PRPSAP2: variants seen among roughly 807,000 people sequenced by gnomAD.
PRPSAP2 encodes the protein phosphoribosyl pyrophosphate synthase-associated protein 2.
In PRPSAP2, 24 loss-of-function variants were observed where a neutral mutation model predicts 40.6. That is an observed-to-expected ratio of 0.59 (90% confidence interval 0.43 to 0.83). The LOEUF is 0.83. Ranked by LOEUF, PRPSAP2 falls within the 40% of genes least tolerant of loss-of-function variation. PRPSAP2 has a pLI of 0.00. For missense variants in PRPSAP2, 292 were observed against 465.6 expected (o/e 0.63, Z 3.43); for synonymous variants, 149 against 164.7 (o/e 0.90, Z 0.73).
chr17:18,889,697 A>G lies in PRPSAP2; in HGVS notation c.529-125A>G, dbSNP rs562563189. 3.8e-5 allele frequency: 25 copies of G among 652,358 alleles called. No individual in the cohort carries two copies. The African/African-American group carries it at 4.1e-4, about 11-fold the overall frequency. The allele number at this position is 652,358 out of a possible 1,614,324, so 40.4% of individuals were successfully genotyped here. ...GCAGGTTCCTTTCTTCATTTTCCAA[A>G]GGAGAATTTTACTTTGAACTTTTTC... On this transcript the variant is annotated intron_variant, in intron 7 of 11. Coordinates refer to ENST00000268835, the MANE Select transcript of PRPSAP2 (RefSeq NM_002767.4).
intron 7 of PRPSAP2, among the ~76,000 whole-genome samples, chr17:18,883,219 A>G (rs2038888182): frequency 1.3e-5 from 2 of 151,946 alleles, no homozygotes; most frequent in Non-Finnish European, 2.9e-5. Context: ...TTTTTCCTTC[A>G]TTCTGTTAAT....
chr17:18,891,310 T>C (rs2039531971), intron 8 of PRPSAP2, among the ~76,000 whole-genome samples: 2 of 152,188 alleles, frequency 1.3e-5, no homozygotes, highest in South Asian at 2.1e-4. Context: ...ACTTAGTATA[T>C]TAAATAAAAT....
At chr17:18,914,248 G>GTTTTTTTTTTTT (rs1567738744) in intron 9 of PRPSAP2, among the ~76,000 whole-genome samples, 1 of 76,480 alleles carries the variant, frequency 1.3e-5, no homozygotes, top group African/African-American at 5.2e-5. Flanking sequence ...ACATGTTTTT[G>GTTTTTTTTTTTT]CTTTTTTTTT....
chr17:18,918,488 G>C (rs528913171), intron 9 of PRPSAP2, among the ~76,000 whole-genome samples: 1 of 152,344 alleles, frequency 6.6e-6, no homozygotes, highest in East Asian at 1.9e-4. Flanking sequence ...GGAGGGAAGA[G>C]ATGGACTAAG....
chr17:18,922,513 C>T (rs1213338768), intron 9 of PRPSAP2, among the ~76,000 whole-genome samples: 2 of 152,062 alleles, frequency 1.3e-5, no homozygotes, highest in African/African-American at 2.4e-5. Context: ...TTTTGATAAA[C>T]ATTTCCCTAA....
intron 5 of PRPSAP2, 89 bp downstream of exon 5, chr17:18,872,738 A>C (rs936524059): frequency 1.9e-6 from 2 of 1,042,932 alleles, no homozygotes; most frequent in Non-Finnish European, 2.9e-6. Context: ...AGGAAGAGTT[A>C]TAATAGTCTT....
At position 18,863,184 on chromosome 17, in the gene PRPSAP2, A is replaced by C. The variant is rs923997081; in HGVS notation, c.-128-2285A>C. Reference sequence around the variant, plus strand: ...GTCGCATTCCCATCGTCCAGGCAGGAGTGCAGTGAAGTGGTGCAATCATGG... The same window carrying C: ...GTCGCATTCCCATCGTCCAGGCAGGCGTGCAGTGAAGTGGTGCAATCATGG... On this transcript the variant is annotated intron_variant, in intron 1 of 11. Coordinates refer to ENST00000268835, the MANE Select transcript of PRPSAP2 (RefSeq NM_002767.4). Among the ~76,000 whole-genome samples the C allele has an allele frequency of 2.0e-5, 3 of 151,710 alleles. No homozygotes were observed. The East Asian group carries it at 5.8e-4, about 29-fold the overall frequency.
intron 6 of PRPSAP2, among the ~76,000 whole-genome samples, chr17:18,881,032 C>T (rs1316598137): frequency 6.6e-6 from 1 of 151,712 alleles, no homozygotes; most frequent in Non-Finnish European, 1.5e-5. Flanking sequence ...CGGGGTTTCA[C>T]CGTGTTGGCC....
intron 5 of PRPSAP2, 89 bp downstream of exon 5, chr17:18,872,738 A>G: frequency 9.6e-7 from 1 of 1,042,932 alleles, no homozygotes; most frequent in Non-Finnish European, 1.4e-6. Flanking sequence ...AGGAAGAGTT[A>G]TAATAGTCTT....
At position 18,867,268 on chromosome 17, in the gene PRPSAP2, T is replaced by C; in HGVS notation, c.120-14T>C. 2 of 1,613,848 alleles carry C rather than the reference T, an allele frequency of 1.2e-6. No individual in the cohort carries two copies. Among genetic ancestry groups the C allele is most frequent in the Non-Finnish European group, 1.7e-6 (2 of 1,179,826 alleles). On this transcript the variant is annotated splice_polypyrimidine_tract_variant and intron_variant, in intron 3 of 11. Coordinates refer to ENST00000268835, the MANE Select transcript of PRPSAP2 (RefSeq NM_002767.4). ...TATTACTTTTTCAGCTTTTTCCCCC[T>C]TTCTCTTCTCTAGGCGGCTAGGGGT...
intron 8 of PRPSAP2, 151 bp downstream of exon 8, chr17:18,890,028 A>T: frequency 3.8e-6 from 2 of 524,882 alleles, no homozygotes; most frequent in East Asian, 3.4e-5. Flanking sequence ...TGTTCTGTCA[A>T]CTCCATTTAT....
chr17:18,897,891 A>T (rs931132231), intron 8 of PRPSAP2, among the ~76,000 whole-genome samples: 4 of 151,824 alleles, frequency 2.6e-5, no homozygotes, highest in Admixed American at 2.6e-4. Flanking sequence ...TATAGAAGTC[A>T]TACCTCTCTG....
chr17:18,908,312 A>G (rs1597699581), intron 8 of PRPSAP2: 1 of 776,698 alleles, frequency 1.3e-6, no homozygotes, highest in East Asian at 2.4e-5. Context: ...TGATACTTCC[A>G]CTGAGAATGC....
chr17:18,863,014 G>T (rs1264171084), intron 1 of PRPSAP2, among the ~76,000 whole-genome samples: 2 of 151,924 alleles, frequency 1.3e-5, no homozygotes, highest in African/African-American at 2.4e-5. Flanking sequence ...TAGAGACGGG[G>T]CTTCACTGTG....
rs1344191873 is a variant in PRPSAP2, at chr17:18,858,193, A to G, written c.-197A>G. The G allele has an allele frequency of 6.6e-6, 1 of 152,294 alleles. No individual in the cohort carries two copies. The highest frequency in any genetic ancestry group is 2.4e-5 in the African/African-American group (1 of 41,458). 9.4% of individuals were successfully genotyped at this position (152,294 alleles called of 1,614,324 possible). ...CCATTTTGCTCCTAGAGAGGCCGCC[A>G]GGAGACCCGGCGCTTTCTTCCTTCT... On this transcript the variant is annotated 5_prime_UTR_variant, in exon 1 of 12. Coordinates refer to ENST00000268835, the MANE Select transcript of PRPSAP2 (RefSeq NM_002767.4).
intron 8 of PRPSAP2, 60 bp downstream of exon 8, chr17:18,889,937 A>T: frequency 7.0e-7 from 1 of 1,432,130 alleles, no homozygotes; most frequent in South Asian, 1.4e-5. Context: ...ATCCGTGATG[A>T]GTTCCAGGCA....
At position 18,884,754 on chromosome 17, in the gene PRPSAP2, T is replaced by C. The variant is rs142705495; in HGVS notation, c.528+2071T>C. On this transcript the variant is annotated intron_variant, in intron 7 of 11. Transcript: ENST00000268835. Reference sequence around the variant, plus strand: ...CAGAGAGAGAGTGAGAGGGTGAGCATTGAACGTGGTTCAGTTAGCAACCAG... The same window carrying C: ...CAGAGAGAGAGTGAGAGGGTGAGCACTGAACGTGGTTCAGTTAGCAACCAG... Among the ~76,000 whole-genome samples, 22 of 152,326 alleles carry C rather than the reference T, an allele frequency of 1.4e-4. No individual in the cohort carries two copies. The East Asian group carries it at 1.9e-3, about 13-fold the overall frequency.
intron 4 of PRPSAP2, among the ~76,000 whole-genome samples, chr17:18,868,061 A>G (rs540194186): frequency 1.3e-3 from 200 of 152,262 alleles, no homozygotes; most frequent in African/African-American, 4.5e-3. Flanking sequence ...GCTTGAGCCC[A>G]GGAGGTGGAG....
intron 4 of PRPSAP2, among the ~76,000 whole-genome samples, chr17:18,871,669 TTTTTTTTTG>T (rs2037886618): frequency 6.7e-6 from 1 of 148,656 alleles, no homozygotes. Flanking sequence ...TTTTTTTTTT[TTTTTTTTTG>T]AGACGGAGTT....
Sources: allele counts gnomAD v4.1 joint callset (sites outside exome capture counted in the v4.1 genomes callset), GRCh38; gene constraint gnomAD v4.1.1; transcripts MANE v1.5; gene names NCBI Gene and HGNC (gene_info 2026-07-23, HGNC 2026-07-21).